Variants in NREP observed in about 807,000 individuals in gnomAD.
NREP encodes the protein neuronal regeneration-related protein.
NREP carries 5 observed loss-of-function variants against 8.6 expected under a neutral mutation model. The observed-to-expected ratio is 0.58, with a 90% CI of 0.30 to 1.22. NREP has a LOEUF of 1.22. Among genes scored for constraint, NREP ranks in the 50% most tolerant of loss-of-function variants. The probability of loss-of-function intolerance (pLI) is 0.07; values close to 1 mark genes in which losing one functional copy is unlikely to be tolerated. For synonymous variants in NREP, 27 were observed against 28.0 expected, an observed-to-expected ratio of 0.96 and a Z score of 0.11; for missense variants, 86 against 82.5, an observed-to-expected ratio of 1.04 and a Z score of -0.17.
At chr5:111,916,463 C>T (rs976720767) in intron 2 of NREP, among the ~76,000 whole-genome samples, 1 of 152,130 alleles carries the variant, frequency 6.6e-6, no homozygotes, top group African/African-American at 2.4e-5. Context: ...AGACCTTCCC[C>T]AGTCCTAGAT....
At chr5:111,784,438 ATATT>A (rs1352402715) in intron 2 of NREP, among the ~76,000 whole-genome samples, 2 of 151,926 alleles carry the variant, frequency 1.3e-5, no homozygotes, top group Admixed American at 1.3e-4. Flanking sequence ...AAAAGAAGCA[ATATT>A]TATTAGGAAC....
intron 2 of NREP, among the ~76,000 whole-genome samples, chr5:111,751,292 G>A (rs1431214409): frequency 6.6e-6 from 1 of 152,128 alleles, no homozygotes; most frequent in Non-Finnish European, 1.5e-5. Flanking sequence ...TAACTGAAGT[G>A]ATATTTAGAA....
At chr5:111,921,142 C>T (rs1755227761) in intron 2 of NREP, among the ~76,000 whole-genome samples, 1 of 152,152 alleles carries the variant, frequency 6.6e-6, no homozygotes, top group Admixed American at 6.5e-5. Context: ...TGATCTACCT[C>T]TCCTCTCTCC....
At chr5:111,916,636 C>T (rs367884838) in intron 2 of NREP, among the ~76,000 whole-genome samples, 75 of 152,282 alleles carry the variant, frequency 4.9e-4, no homozygotes, top group African/African-American at 1.8e-3. Context: ...TTTCCAATTA[C>T]TTGCTGTGTG....
chr5:111,784,716 C>A (rs1195462683), intron 2 of NREP, among the ~76,000 whole-genome samples: 1 of 152,106 alleles, frequency 6.6e-6, no homozygotes, highest in Non-Finnish European at 1.5e-5. Flanking sequence ...GAATGTAAGG[C>A]ATTTCCAAAC....
At chr5:111,893,662 T>C (rs559649762) in intron 2 of NREP, among the ~76,000 whole-genome samples, 220 of 150,664 alleles carry the variant, frequency 1.5e-3, no homozygotes, top group African/African-American at 5.2e-3. Context: ...ATTAACAAGT[T>C]AAATTGGTTA....
At chr5:111,770,554 CTTTTTTTTTTTTTTTT>C (rs34538408) in intron 2 of NREP, among the ~76,000 whole-genome samples, 6 of 73,582 alleles carry the variant, frequency 8.2e-5, no homozygotes, top group East Asian at 3.6e-4. Context: ...GAATTATTTC[CTTTTTTTTTTTTTTTT>C]TTTTTTTTTT....
chr5:111,818,587 T>C (rs1752445550), intron 2 of NREP, among the ~76,000 whole-genome samples: 1 of 152,238 alleles, frequency 6.6e-6, no homozygotes, highest in African/African-American at 2.4e-5. Context: ...ACAATTAGGA[T>C]ATATTGCATG....
intron 2 of NREP, among the ~76,000 whole-genome samples, chr5:111,881,225 T>C (rs1329679817): frequency 6.6e-6 from 1 of 152,170 alleles, no homozygotes; most frequent in Non-Finnish European, 1.5e-5. Flanking sequence ...CCCTGATTGC[T>C]AGCACAGCAG....
downstream of NREP, chr5:111,728,854 T>C (rs1748319426): frequency 6.6e-6 from 1 of 152,206 alleles, no homozygotes; most frequent in Non-Finnish European, 1.5e-5. Context: ...TTTAAGCTTT[T>C]TGTCTGAGGA....
chr5:111,914,341 T>C lies in NREP; in HGVS notation c.135+60933A>G, dbSNP rs80257516. Among the ~76,000 whole-genome samples, 292 of 152,274 alleles carry C rather than the reference T, an allele frequency of 1.9e-3. 1 individual carries two copies. The highest frequency in any genetic ancestry group is 0.01 in the Middle Eastern group (3 of 294). ...CTTTGTGTTCTTAGCTCCCACATTTTACCCTAAATATTTGCCCTCACATGC... is the reference window on the plus strand; with the variant it reads ...CTTTGTGTTCTTAGCTCCCACATTTCACCCTAAATATTTGCCCTCACATGC... On this transcript the variant is annotated intron_variant, in intron 2 of 3. Coordinates refer to the NREP transcript ENST00000395634.
At chr5:111,940,796 A>G (rs1471561584) in intron 2 of NREP, among the ~76,000 whole-genome samples, 1 of 151,964 alleles carries the variant, frequency 6.6e-6, no homozygotes, top group Admixed American at 6.6e-5. Context: ...CTGAGACCAC[A>G]CTCATGCCCC....
chr5:111,869,943 G>A (rs965689563), intron 2 of NREP, among the ~76,000 whole-genome samples: 3 of 152,100 alleles, frequency 2.0e-5, no homozygotes, highest in Non-Finnish European at 4.4e-5. Flanking sequence ...TTGTACACAC[G>A]TTCCATTGTC....
chr5:111,826,731 CGCCATGTTG>C (rs1160909812), intron 2 of NREP, among the ~76,000 whole-genome samples: 1 of 152,150 alleles, frequency 6.6e-6, no homozygotes, highest in African/African-American at 2.4e-5. Context: ...GACGAGTTTT[CGCCATGTTG>C]GCCATGCTGG....
At chr5:111,890,877 CA>C (rs1754378643) in intron 2 of NREP, among the ~76,000 whole-genome samples, 1 of 152,232 alleles carries the variant, frequency 6.6e-6, no homozygotes, top group African/African-American at 2.4e-5. Flanking sequence ...AAAGCCTCTG[CA>C]ATGCCTTTGA....
intron 2 of NREP, among the ~76,000 whole-genome samples, chr5:111,814,870 G>C (rs1752349330): frequency 6.6e-6 from 1 of 151,302 alleles, no homozygotes; most frequent in African/African-American, 2.4e-5. Context: ...GGAATATTGA[G>C]TTTGAAAGGA....
intron 2 of NREP, among the ~76,000 whole-genome samples, chr5:111,856,420 T>A (rs369380813): frequency 6.6e-6 from 1 of 152,286 alleles, no homozygotes; most frequent in Non-Finnish European, 1.5e-5. Context: ...ACTCATATTC[T>A]TATATTAAAG....
chr5:111,777,355 A>AGTGC (rs1751389628), intron 2 of NREP, among the ~76,000 whole-genome samples: 1 of 148,678 alleles, frequency 6.7e-6, no homozygotes, highest in Non-Finnish European at 1.5e-5. Context: ...TGTGTGTGTG[A>AGTGC]GTGTGTGTGT....
intron 2 of NREP, among the ~76,000 whole-genome samples, chr5:111,743,032 A>G (rs1749779479): frequency 1.3e-5 from 2 of 152,180 alleles, no homozygotes. Context: ...TCTTTTCAGC[A>G]ATGAAGAGAA....
Sources: allele counts gnomAD v4.1 joint callset (sites outside exome capture counted in the v4.1 genomes callset), GRCh38; gene constraint gnomAD v4.1.1; transcripts MANE v1.5; gene names NCBI Gene and HGNC (gene_info 2026-07-23, HGNC 2026-07-21).